ZFHX4: variants seen among roughly 807,000 people sequenced by gnomAD.
ZFHX4 encodes zinc finger homeobox 4.
A neutral mutation model predicts 267.6 loss-of-function variants in ZFHX4; 56 were observed. The ratio of observed to expected loss-of-function variants is 0.21; its 90% CI spans 0.17 to 0.26. ZFHX4 has a LOEUF of 0.26. Ranked by LOEUF, ZFHX4 falls within the 10% of genes least tolerant of loss-of-function variation. ZFHX4 has a pLI of 1.00. For missense variants in ZFHX4, 4,332 were observed against 4,420.0 expected, an observed-to-expected ratio of 0.98 and a Z score of 0.56; for synonymous variants, 1,778 against 1,665.6, an observed-to-expected ratio of 1.07 and a Z score of -1.64.
At chr8:76,856,389 T>C in intron 10 of ZFHX4, 89 bp downstream of exon 10, 1 of 1,416,510 alleles carries the variant, frequency 7.1e-7, no homozygotes, top group Non-Finnish European at 9.7e-7. Flanking sequence ...GCCTTTGGAT[T>C]TCTTTTAATT....
Position 76,851,132 on chromosome 8 carries a change from T to C in ZFHX4, c.4211T>C (p.Leu1404Ser). ...AAGTATCGCTGTAACCATTGTAGCT[T>C]GGCTTTCAAAACTATGCAGAAGCTT... ...VYKYRCNHCS[L>S]AFKTMQKLQI... The change falls in exon 10 of 11, where the codon TTG (leucine) becomes TCG (serine). Residue 1404 changes from leucine to serine, a missense_variant. By Grantham distance (145) the Leu-to-Ser change is moderately radical (BLOSUM62 -2). Around this residue, in one of 7 missense-constraint regions of ZFHX4, gnomAD observed 1,371 missense variants for 1,423.1 expected, o/e 0.96. Coordinates refer to ENST00000651372, the MANE Select transcript of ZFHX4 (RefSeq NM_024721.5). 1 of 1,613,982 alleles carries C rather than the reference T, an allele frequency of 6.2e-7. No homozygotes were observed. The highest frequency in any genetic ancestry group is 8.5e-7 in the Non-Finnish European group (1 of 1,179,878).
intron 3 of ZFHX4, among the ~76,000 whole-genome samples, chr8:76,766,447 T>C (rs1036238250): frequency 1.3e-5 from 2 of 152,154 alleles, no homozygotes; most frequent in African/African-American, 4.8e-5. Flanking sequence ...GTTTTAATTT[T>C]TATCTCACAT....
At chr8:76,857,362 A>T (rs1438803406) in intron 10 of ZFHX4, among the ~76,000 whole-genome samples, 1 of 75,820 alleles carries the variant, frequency 1.3e-5, no homozygotes, top group Non-Finnish European at 2.9e-5. Context: ...TTTTATATAT[A>T]TATATATATA....
At chr8:76,836,600 A>T (rs1057356611) in intron 5 of ZFHX4, among the ~76,000 whole-genome samples, 1 of 152,090 alleles carries the variant, frequency 6.6e-6, no homozygotes, top group South Asian at 2.1e-4. Context: ...ATGGAGAAAG[A>T]TGAGGGAGTG....
In ZFHX4 at chr8:76,707,656, C is replaced by T; in HGVS notation, c.2701C>T (p.Leu901=). The T allele has an allele frequency of 6.2e-7, 1 of 1,613,884 alleles. No homozygotes were observed. Residue 901 remains leucine, a synonymous_variant, in exon 3 of 11, where the codon CTG becomes TTG. Coordinates refer to ENST00000651372, the MANE Select transcript of ZFHX4 (RefSeq NM_024721.5). ...ELSPYISDPA[L]KLFQCAVCNK... ...GTCACCTTATATCAGTGACCCAGCG[C>T]TGAAGCTATTCCAGTGTGCTGTTTG...
chr8:76,808,156 G>A (rs1160543029), intron 4 of ZFHX4, among the ~76,000 whole-genome samples: 1 of 151,942 alleles, frequency 6.6e-6, no homozygotes, highest in Admixed American at 6.6e-5. Flanking sequence ...GTATATTCAA[G>A]TTAGTGTTCT....
Position 76,856,081 on chromosome 8 carries a change from A to T in ZFHX4, c.9160A>T (p.Thr3054Ser). ...DREKDYLAPT[T>S]VRQLMAQQEL... ...GGAGAAAGATTACTTGGCTCCGACC[A>T]CGGTTCGGCAGCTGATGGCACAGCA... Residue 3054 changes from threonine (T) to serine (S), a missense_variant, in exon 10 of 11, where the codon ACG becomes TCG. Physicochemically the swap from Thr to Ser is moderately conservative, Grantham distance 58. Transcript: ENST00000651372. The T allele has an allele frequency of 6.2e-7, 1 of 1,613,980 alleles. No homozygotes were observed.
chr8:76,843,471 A>G (rs1812288649), intron 6 of ZFHX4, among the ~76,000 whole-genome samples: 1 of 152,190 alleles, frequency 6.6e-6, no homozygotes, highest in South Asian at 2.1e-4. Flanking sequence ...TTGTGCACAA[A>G]CAAACCCTAG....
At chr8:76,833,471 A>G (rs1400158527) in intron 5 of ZFHX4, 65 bp downstream of exon 5, 31 of 1,227,904 alleles carry the variant, frequency 2.5e-5, no homozygotes, top group Non-Finnish European at 3.4e-5. Flanking sequence ...TGTTACTCTC[A>G]TAATTGATGG....
intron 6 of ZFHX4, among the ~76,000 whole-genome samples, chr8:76,847,566 C>T (rs1454484418): frequency 6.6e-6 from 1 of 151,856 alleles, no homozygotes; most frequent in African/African-American, 2.4e-5. Context: ...CTGTATCTAC[C>T]ATGAACCCCA....
chr8:76,703,114 C>G (rs1380859161), intron 1 of ZFHX4, among the ~76,000 whole-genome samples: 2 of 151,850 alleles, frequency 1.3e-5, no homozygotes, highest in African/African-American at 2.4e-5. Flanking sequence ...GGTTTCTGGT[C>G]TAAGACGCCT....
chr8:76,682,026 T>C (rs1807544361), intron 1 of ZFHX4, among the ~76,000 whole-genome samples: 1 of 152,166 alleles, frequency 6.6e-6, no homozygotes, highest in Non-Finnish European at 1.5e-5. Context: ...CTTTTCGGGT[T>C]TTGCCTTCCC....
chr8:76,700,493 G>T (rs979047701), intron 1 of ZFHX4, among the ~76,000 whole-genome samples: 1 of 152,270 alleles, frequency 6.6e-6, no homozygotes, highest in Non-Finnish European at 1.5e-5. Context: ...TGAATGCAAA[G>T]GAATTCTTCT....
At chr8:76,744,100 C>CTT (rs1809392318) in intron 3 of ZFHX4, among the ~76,000 whole-genome samples, 1 of 152,092 alleles carries the variant, frequency 6.6e-6, no homozygotes, top group Non-Finnish European at 1.5e-5. Context: ...AATCCCAGCA[C>CTT]TTTGAGAGGC....
At chr8:76,799,067 A>C (rs1460032597) in intron 4 of ZFHX4, among the ~76,000 whole-genome samples, 1 of 152,226 alleles carries the variant, frequency 6.6e-6, no homozygotes, top group East Asian at 1.9e-4. Flanking sequence ...TCCCAAGGCA[A>C]TGTTCCAAAT....
intron 3 of ZFHX4, among the ~76,000 whole-genome samples, chr8:76,710,160 T>G (rs1209176296): frequency 1.3e-5 from 2 of 152,172 alleles, no homozygotes; most frequent in Non-Finnish European, 2.9e-5. Flanking sequence ...CAAATAAACT[T>G]TGAACAAACT....
chr8:76,719,874 C>T (rs999935727), intron 3 of ZFHX4, among the ~76,000 whole-genome samples: 3 of 152,066 alleles, frequency 2.0e-5, no homozygotes, highest in African/African-American at 7.2e-5. Context: ...TTTAAGAAAG[C>T]AGTTCTGCAT....
At chr8:76,848,070 A>G (rs1441350574) in intron 6 of ZFHX4, among the ~76,000 whole-genome samples, 1 of 152,170 alleles carries the variant, frequency 6.6e-6, no homozygotes, top group African/African-American at 2.4e-5. Flanking sequence ...AAAATTAGAA[A>G]TACTCATAAT....
chr8:76,831,942 A>G (rs1205890780), intron 4 of ZFHX4, among the ~76,000 whole-genome samples: 1 of 150,080 alleles, frequency 6.7e-6, no homozygotes, highest in African/African-American at 2.4e-5. Context: ...TGGATTTATA[A>G]GTAAAGACTG....
Sources: gnomAD v4.1 joint callset for allele counts (sites outside exome capture counted in the v4.1 genomes callset) on GRCh38, gnomAD v4.1.1 for gene constraint, gnomAD v4.1.1 regional missense constraint, MANE v1.5 for transcripts, NCBI Gene and HGNC (gene_info 2026-07-23, HGNC 2026-07-21) for gene names.